SCAPER: variants seen among roughly 807,000 people sequenced by gnomAD.
The protein encoded by SCAPER is S-phase cyclin A associated protein in the ER, also known as S phase cyclin A-associated protein in the endoplasmic reticulum.
Under a neutral mutation model 182.2 loss-of-function variants are expected in SCAPER, and 98 were observed. The observed-to-expected ratio is 0.54, with a 90% confidence interval of 0.46 to 0.64. SCAPER has a LOEUF of 0.64. Ranked by LOEUF, SCAPER falls within the 30% of genes least tolerant of loss-of-function variation. The probability of loss-of-function intolerance (pLI) is 0.00; values close to 1 mark genes in which losing one functional copy is unlikely to be tolerated. For synonymous variants in SCAPER, 605 were observed against 564.6 expected, an observed-to-expected ratio of 1.07 and a Z score of -1.01; for missense variants, 1,432 against 1,690.0, an observed-to-expected ratio of 0.85 and a Z score of 2.68.
chr15:76,733,967 T>C (rs1021571231), intron 15 of SCAPER, among the ~76,000 whole-genome samples: 13 of 152,310 alleles, frequency 8.5e-5, no homozygotes, highest in Non-Finnish European at 1.9e-4. Flanking sequence ...CATTTTTAAG[T>C]GAAGAAACAA....
intron 1 of SCAPER, among the ~76,000 whole-genome samples, chr15:76,896,369 T>C (rs1408199794): frequency 6.6e-6 from 1 of 151,990 alleles, no homozygotes; most frequent in African/African-American, 2.4e-5. Flanking sequence ...ACATCCTGTC[T>C]TAAAAACAAC....
At position 76,777,404 on chromosome 15, in the gene SCAPER, AAAG is replaced by A. The variant is rs1269232171; in HGVS notation, c.773-2290_773-2288del. ...CCCAAAAGAGAAATGAAATTTAACG[AAAG>A]AAGGTTTGAGGCCAGGGGTGGTGGC... On this transcript the variant is annotated intron_variant, in intron 8 of 31. Transcript: ENST00000563290. Among the ~76,000 whole-genome samples, 9 of 152,344 alleles carry A rather than the reference AAAG, an allele frequency of 5.9e-5. No individual in the cohort carries two copies. The East Asian group carries it at 1.5e-3, about 26-fold the overall frequency.
At chr15:76,755,814 G>C (rs1179537699) in intron 14 of SCAPER, among the ~76,000 whole-genome samples, 2 of 152,100 alleles carry the variant, frequency 1.3e-5, no homozygotes, top group Non-Finnish European at 2.9e-5. Context: ...GAAGACACTT[G>C]GGCTGTAGAA....
At chr15:76,582,412 A>G (rs2048333617) in intron 22 of SCAPER, among the ~76,000 whole-genome samples, 2 of 152,212 alleles carry the variant, frequency 1.3e-5, no homozygotes, top group African/African-American at 2.4e-5. Flanking sequence ...TGATCTCTAC[A>G]ATGAAAACTA....
In SCAPER at chr15:76,742,466, T is replaced by TA. The variant is rs55751202; in HGVS notation, c.1867-9083dup. On this transcript the variant is annotated intron_variant, in intron 15 of 31. Transcript: ENST00000563290. ...GGAATAAGAAACAGGTGTCTTTTCC[T>TA]AAAAAAAAAAAAAAAAAAAAAAAAA... Among the ~76,000 whole-genome samples, 76 of 37,038 alleles carry TA rather than the reference T, an allele frequency of 2.1e-3. 4 individuals are homozygous for TA. Among genetic ancestry groups the TA allele is most frequent in the Middle Eastern group, 0.043 (2 of 46 alleles). The allele number at this position is 37,038 out of a possible 152,430, so 24.3% of individuals were successfully genotyped here. A position where few individuals can be genotyped will look rare whatever the true frequency, so the allele number is the denominator to read the frequency against.
At chr15:76,554,390 G>A (rs1176385827) in intron 23 of SCAPER, among the ~76,000 whole-genome samples, 2 of 152,150 alleles carry the variant, frequency 1.3e-5, no homozygotes, top group Non-Finnish European at 2.9e-5. Flanking sequence ...GAGAAAGCAA[G>A]CAACCTGGAA....
chr15:76,544,455 A>G (rs2144805721), intron 23 of SCAPER, among the ~76,000 whole-genome samples: 1 of 152,354 alleles, frequency 6.6e-6, no homozygotes, highest in East Asian at 1.9e-4. Context: ...ATACTACTGT[A>G]TACATACAGT....
At chr15:76,716,679 G>C (rs567855810) in intron 17 of SCAPER, among the ~76,000 whole-genome samples, 1 of 151,728 alleles carries the variant, frequency 6.6e-6, no homozygotes, top group East Asian at 1.9e-4. Context: ...ATACCACAGA[G>C]GGTTCAACAG....
intron 15 of SCAPER, among the ~76,000 whole-genome samples, chr15:76,737,720 C>T (rs1268841059): frequency 6.6e-6 from 1 of 152,216 alleles, no homozygotes; most frequent in African/African-American, 2.4e-5. Context: ...TTGTTTGGTG[C>T]AGCAGTCTTC....
chr15:76,417,031 C>G (rs1177983167), intron 26 of SCAPER, among the ~76,000 whole-genome samples: 1 of 151,712 alleles, frequency 6.6e-6, no homozygotes, highest in Non-Finnish European at 1.5e-5. Flanking sequence ...TGCCACTGCA[C>G]TCCAGCCTGG....
At chr15:76,609,096 C>A (rs563437217) in intron 22 of SCAPER, among the ~76,000 whole-genome samples, 1 of 152,196 alleles carries the variant, frequency 6.6e-6, no homozygotes, top group South Asian at 2.1e-4. Flanking sequence ...ATGCAGAAAT[C>A]ATCCGTCTTC....
chr15:76,614,559 G>T (rs978879136), intron 22 of SCAPER, among the ~76,000 whole-genome samples: 1 of 151,908 alleles, frequency 6.6e-6, no homozygotes, highest in South Asian at 2.1e-4. Context: ...GAAAAATAAC[G>T]CATTTTTACA....
chr15:76,503,833 T>C (rs2041349847), intron 24 of SCAPER, among the ~76,000 whole-genome samples: 1 of 152,154 alleles, frequency 6.6e-6, no homozygotes, highest in Non-Finnish European at 1.5e-5. Context: ...AAAGATAACA[T>C]ACTCTTGGAA....
At chr15:76,568,760 G>A (rs1364053851) in intron 23 of SCAPER, among the ~76,000 whole-genome samples, 1 of 152,066 alleles carries the variant, frequency 6.6e-6, no homozygotes, top group African/African-American at 2.4e-5. Flanking sequence ...AAAGAACAAA[G>A]TGTTGGACTT....
chr15:76,487,836 A>G (rs2051810799), intron 24 of SCAPER, among the ~76,000 whole-genome samples: 1 of 152,066 alleles, frequency 6.6e-6, no homozygotes, highest in Admixed American at 6.6e-5. Flanking sequence ...AGTCTTTGAG[A>G]ACTTTGCTCT....
intron 4 of SCAPER, among the ~76,000 whole-genome samples, chr15:76,850,608 C>T (rs1224594626): frequency 6.6e-6 from 1 of 151,946 alleles, no homozygotes; most frequent in African/African-American, 2.4e-5. Context: ...GGCCTGTAAT[C>T]CCAGCACTTT....
chr15:76,409,056 G>A (rs1433401780), intron 26 of SCAPER, among the ~76,000 whole-genome samples: 1 of 152,124 alleles, frequency 6.6e-6, no homozygotes, highest in African/African-American at 2.4e-5. Context: ...CTACTAATGA[G>A]TCAGTCTAAT....
intron 2 of SCAPER, among the ~76,000 whole-genome samples, chr15:76,876,049 C>G (rs950944860): frequency 5.9e-5 from 9 of 152,180 alleles, no homozygotes; most frequent in African/African-American, 2.2e-4. Flanking sequence ...GGACCCAGCG[C>G]ACCCTCCCAG....
At chr15:76,645,480 C>G (rs1170556918) in intron 21 of SCAPER, among the ~76,000 whole-genome samples, 1 of 151,586 alleles carries the variant, frequency 6.6e-6, no homozygotes, top group Non-Finnish European at 1.5e-5. Context: ...AATATTCCAT[C>G]TTAGCACAAT....
Sources: allele counts gnomAD v4.1 joint callset (sites outside exome capture counted in the v4.1 genomes callset), GRCh38; gene constraint gnomAD v4.1.1; transcripts MANE v1.5; gene names NCBI Gene and HGNC (gene_info 2026-07-23, HGNC 2026-07-21).